Variants in NUP210 observed in about 807,000 individuals in gnomAD.
NUP210 encodes nucleoporin 210, also known as nuclear pore membrane glycoprotein 210.
NUP210 carries 151 observed loss-of-function variants against 196.0 expected under a neutral mutation model. The ratio of observed to expected loss-of-function variants is 0.77; its 90% CI spans 0.67 to 0.88. The LOEUF (loss-of-function observed/expected upper bound fraction) is 0.88. Among genes scored for constraint, NUP210 ranks in the 40% least tolerant of loss-of-function variants. The probability of loss-of-function intolerance (pLI) is 0.00; values close to 1 mark genes in which losing one functional copy is unlikely to be tolerated. For missense variants in NUP210, 2,314 were observed against 2,493.7 expected (o/e 0.93, Z 1.53); for synonymous variants, 1,070 against 1,052.7 (o/e 1.02, Z -0.32).
chr3:13,318,219 A>C lies in NUP210; in HGVS notation c.5564-438T>G, dbSNP rs1696353779. On this transcript the variant is annotated intron_variant, in intron 39 of 39. Transcript: ENST00000254508. ...CCAAAACCCAGGGAGGAGCACGCTG[A>C]GAGAGGCAGCTAGAAAGGGCAGGCA... Among the ~76,000 whole-genome samples, 3 of 152,252 alleles carry C rather than the reference A, an allele frequency of 2.0e-5. No individual in the cohort carries two copies. The South Asian group carries it at 6.2e-4, about 32-fold the overall frequency.
intron 25 of NUP210, among the ~76,000 whole-genome samples, chr3:13,338,688 C>T (rs764417121): frequency 5.3e-5 from 8 of 152,214 alleles, no homozygotes; most frequent in East Asian, 1.9e-4. Context: ...ACCAGAATCA[C>T]ATTCCAGGCA....
chr3:13,366,609 C>T (rs1231344968), intron 13 of NUP210, among the ~76,000 whole-genome samples: 1 of 151,268 alleles, frequency 6.6e-6, no homozygotes, highest in Non-Finnish European at 1.5e-5. Context: ...GCTCCACCTC[C>T]CGGCTTCAAG....
chr3:13,368,867 T>C (rs1576390418), intron 13 of NUP210, among the ~76,000 whole-genome samples: 1 of 152,254 alleles, frequency 6.6e-6, no homozygotes, highest in African/African-American at 2.4e-5. Flanking sequence ...CTTTTGGCTA[T>C]TGTGAATAAC....
At chr3:13,325,119 A>G (rs1177879548) in intron 33 of NUP210, among the ~76,000 whole-genome samples, 1 of 151,680 alleles carries the variant, frequency 6.6e-6, no homozygotes, top group Non-Finnish European at 1.5e-5. Context: ...CTTCTCCCAC[A>G]CCCTCTGTTC....
Position 13,351,975 on chromosome 3 carries a change from C to A in NUP210, c.2739G>T (p.Glu913Asp), listed in dbSNP as rs1385094002. ...TIYNHPGIQA[E>D]LRIREGSGYF... The stretch of plus-strand genomic sequence containing the variant: ...AACCTGAGCCTTCCCTGATGCGGAG[C>A]TCTGCCTGCAGGAGGCAGATGCAGG... The change falls in exon 20 of 40, where the codon GAG (glutamate) becomes GAT (aspartate). Residue 913 changes from glutamate to aspartate, a missense_variant. Transcript: ENST00000254508. 1 of 1,610,570 alleles carries A rather than the reference C, an allele frequency of 6.2e-7. No individual in the cohort carries two copies. The highest frequency in any genetic ancestry group is 8.5e-7 in the Non-Finnish European group (1 of 1,177,388).
Position 13,386,348 on chromosome 3 carries a change from G to A in NUP210, c.744C>T (p.Ala248=). Residue 248 remains alanine, a synonymous_variant, in exon 6 of 40, where the codon GCC becomes GCT. Coordinates refer to ENST00000254508, the MANE Select transcript of NUP210 (RefSeq NM_024923.4). ...LILENILLNP[A]YDVYLMVGTS... ...TTCCCACCATCAGGTAGACGTCATA[G>A]GCCGGGTTCAGAAGGATGTTTTCCA... The A allele has an allele frequency of 6.2e-7, 1 of 1,614,194 alleles. No individual in the cohort carries two copies. The highest frequency in any genetic ancestry group is 8.5e-7 in the Non-Finnish European group (1 of 1,180,024).
chr3:13,378,261 ACTCAT>A (rs1318261218), intron 8 of NUP210, among the ~76,000 whole-genome samples: 1 of 152,006 alleles, frequency 6.6e-6, no homozygotes, highest in African/African-American at 2.4e-5. Flanking sequence ...CCAACCCTGG[ACTCAT>A]CTCAGCAGGT....
chr3:13,407,577 C>T (rs1437147006), intron 1 of NUP210, among the ~76,000 whole-genome samples: 2 of 151,868 alleles, frequency 1.3e-5, no homozygotes, highest in African/African-American at 4.9e-5. Flanking sequence ...CCTCCCACTC[C>T]TCCCTCCCTC....
In NUP210 at chr3:13,364,931, G is replaced by A. The variant is rs572805161; in HGVS notation, c.1932+1015C>T. ...GGAAGAAAAAAATGGGACAAACCAT[G>A]AGGACCGGAGCTGTCTTCAAGGCTG... On this transcript the variant is annotated intron_variant, in intron 14 of 39. Coordinates refer to ENST00000254508, the MANE Select transcript of NUP210 (RefSeq NM_024923.4). Among the ~76,000 whole-genome samples the A allele has an allele frequency of 5.3e-5, 8 of 152,332 alleles. No individual in the cohort carries two copies. The South Asian group carries it at 1.2e-3, about 24-fold the overall frequency.
chr3:13,401,388 T>C (rs903028490), intron 1 of NUP210, among the ~76,000 whole-genome samples: 15 of 151,840 alleles, frequency 9.9e-5, no homozygotes, highest in Non-Finnish European at 2.2e-4. Flanking sequence ...CACCTGAGCA[T>C]GCCGACCACT....
intron 18 of NUP210, among the ~76,000 whole-genome samples, chr3:13,352,729 G>A (rs1221726190): frequency 6.6e-6 from 1 of 152,228 alleles, no homozygotes; most frequent in Non-Finnish European, 1.5e-5. Flanking sequence ...GGCCACAGGT[G>A]TGCCAGGCAC....
rs2293249 is a variant in NUP210 at position 13,317,316 on chromosome 3, T to A, written c.*365A>T. On this transcript the variant is annotated 3_prime_UTR_variant, in exon 40 of 40. Coordinates refer to ENST00000254508, the MANE Select transcript of NUP210 (RefSeq NM_024923.4). ...AGTAACATCACCCACAGACAACTTC[T>A]AAAGAGCACTTCTAACTGCTCAAAG... 4,393 of 280,302 alleles carry A rather than the reference T, an allele frequency of 0.016. 151 individuals are homozygous for A. In the East Asian group the frequency reaches 0.16, roughly 10 times the overall value. 17.4% of individuals were successfully genotyped at this position (280,302 alleles called of 1,614,324 possible).
intron 15 of NUP210, among the ~76,000 whole-genome samples, 176 bp from the exon 16 acceptor site, chr3:13,358,571 A>G (rs555506793): frequency 4.9e-4 from 74 of 152,194 alleles, no homozygotes; most frequent in African/African-American, 1.7e-3. Flanking sequence ...ACAGGTGGGA[A>G]TGCACTTTCT....
chr3:13,360,212 G>T, intron 15 of NUP210, 58 bp downstream of exon 15: 1 of 1,385,352 alleles, frequency 7.2e-7, no homozygotes, highest in Non-Finnish European at 1.0e-6. Flanking sequence ...AATACTGAGA[G>T]AGTCATTTTC....
In NUP210 at chr3:13,328,930, T is replaced by C. The variant is rs1388910518; in HGVS notation, c.4127A>G (p.Tyr1376Cys). 7 of 1,613,760 alleles carry C rather than the reference T, an allele frequency of 4.3e-6. No homozygotes were observed. The East Asian group carries it at 1.1e-4, about 26-fold the overall frequency. ...GACAGGGCTCATGGAAACCCTCAGGTAGGAAACAGGGGATACCTAAGGGAC... is the reference window on the plus strand; with the variant it reads ...GACAGGGCTCATGGAAACCCTCAGGCAGGAAACAGGGGATACCTAAGGGAC... ...IVAVKVSPVS[Y>C]LRVSMSPVLH... Residue 1376 changes from tyrosine to cysteine, a missense_variant, in exon 31 of 40, where the codon TAC becomes TGC. Transcript: ENST00000254508.
chr3:13,389,140 A>T (rs1195457894), intron 4 of NUP210, among the ~76,000 whole-genome samples: 1 of 152,188 alleles, frequency 6.6e-6, no homozygotes, highest in African/African-American at 2.4e-5. Flanking sequence ...GCTGGGCCGC[A>T]CTGTGATTTA....
chr3:13,353,251 T>C (rs2124880519), intron 18 of NUP210, among the ~76,000 whole-genome samples: 1 of 152,286 alleles, frequency 6.6e-6, no homozygotes, highest in Middle Eastern at 3.4e-3. Flanking sequence ...TTCCAGCCTG[T>C]ACCTGCTGCC....
intron 10 of NUP210, 47 bp from the exon 11 acceptor site, chr3:13,375,688 C>G: frequency 1.3e-6 from 2 of 1,588,334 alleles, no homozygotes; most frequent in East Asian, 4.5e-5. Context: ...ACCATGTCAT[C>G]ATCAGTCTTT....
intron 14 of NUP210, among the ~76,000 whole-genome samples, chr3:13,362,208 C>A (rs913634755): frequency 1.3e-5 from 2 of 152,082 alleles, no homozygotes; most frequent in Non-Finnish European, 2.9e-5. Flanking sequence ...CCCTCCCCAC[C>A]CACAAAAAAA....
Sources: allele counts gnomAD v4.1 joint callset (sites outside exome capture counted in the v4.1 genomes callset), GRCh38; gene constraint gnomAD v4.1.1; transcripts MANE v1.5; gene names NCBI Gene and HGNC (gene_info 2026-07-23, HGNC 2026-07-21).